Variants in CCDC141 observed in about 807,000 individuals in gnomAD.
CCDC141 encodes the protein coiled-coil domain-containing protein 141.
In CCDC141, 168 loss-of-function variants were observed where a neutral mutation model predicts 181.0. The observed-to-expected ratio is 0.93, with a 90% CI of 0.82 to 1.05. CCDC141 has a LOEUF of 1.05. CCDC141 is among the 50% of genes least tolerant of loss of function. The pLI, the probability that CCDC141 is intolerant of heterozygous loss-of-function variation, is 0.00. For missense variants in CCDC141, 1,902 were observed against 1,788.5 expected, an observed-to-expected ratio of 1.06 and a Z score of -1.14; for synonymous variants, 666 against 642.3, an observed-to-expected ratio of 1.04 and a Z score of -0.56.
At chr2:179,047,170 TG>T in intron 2 of CCDC141, 113 bp downstream of exon 2, 1 of 811,628 alleles carries the variant, frequency 1.2e-6, no homozygotes, top group Non-Finnish European at 1.8e-6. Context: ...ATTATCTACC[TG>T]GTACCATATT....
At chr2:178,858,802 C>T (rs953458613) in intron 17 of CCDC141, among the ~76,000 whole-genome samples, 2 of 151,838 alleles carry the variant, frequency 1.3e-5, no homozygotes, top group Non-Finnish European at 2.9e-5. Flanking sequence ...ATCAGAAAAC[C>T]TTAGTCTAGA....
chr2:178,962,824 ATTC>A (rs1690466192), intron 4 of CCDC141, among the ~76,000 whole-genome samples: 1 of 151,856 alleles, frequency 6.6e-6, no homozygotes, highest in Non-Finnish European at 1.5e-5. Flanking sequence ...TCCACTTTTC[ATTC>A]TTATCTTCTT....
intron 11 of CCDC141, 28 bp downstream of exon 11, chr2:178,884,873 T>G: frequency 1.3e-6 from 2 of 1,532,690 alleles, no homozygotes; most frequent in Non-Finnish European, 1.8e-6. Flanking sequence ...GCCACCTTGC[T>G]GAAGAAGGTT....
At position 178,978,571 on chromosome 2, in the gene CCDC141, A is replaced by G; in HGVS notation, c.330T>C (p.Gly110=). Residue 110 remains glycine, a synonymous_variant, in exon 3 of 24, where the codon GGT becomes GGC. Transcript: ENST00000443758. ...QVYDAMAETL[G]EAWAALVSML... The stretch of plus-strand genomic sequence containing the variant: ...TGGACACCAGAGCTGCCCATGCTTC[A>G]CCCAGAGTCTCGGCCATGGCATCAT... 6.5e-7 allele frequency: 1 copy of G among 1,550,074 alleles called. No individual in the cohort carries two copies. The highest frequency in any genetic ancestry group is 8.7e-7 in the Non-Finnish European group (1 of 1,146,762).
intron 2 of CCDC141, among the ~76,000 whole-genome samples, chr2:179,000,814 A>C (rs2041947795): frequency 6.6e-6 from 1 of 152,214 alleles, no homozygotes; most frequent in South Asian, 2.1e-4. Flanking sequence ...ATTATCCACA[A>C]GGCTTGATGC....
At chr2:179,032,503 A>T (rs1433599008) in intron 2 of CCDC141, among the ~76,000 whole-genome samples, 1 of 152,134 alleles carries the variant, frequency 6.6e-6, no homozygotes, top group Non-Finnish European at 1.5e-5. Context: ...CTTTTCTGGA[A>T]CTTTTTCTGT....
intron 6 of CCDC141, among the ~76,000 whole-genome samples, chr2:178,937,829 A>G (rs1270346797): frequency 6.6e-6 from 1 of 151,754 alleles, no homozygotes. Context: ...GAATTTATCC[A>G]TCTCTTTTAG....
intron 6 of CCDC141, among the ~76,000 whole-genome samples, chr2:178,943,891 A>G (rs552167330): frequency 3.3e-5 from 5 of 152,284 alleles, no homozygotes; most frequent in South Asian, 4.1e-4. Flanking sequence ...CTATATACCT[A>G]TAAGTGGCTG....
At chr2:178,816,652 C>T in the CCDC141 span, among the ~76,000 whole-genome samples, 1 of 151,982 alleles carries the variant, frequency 6.6e-6, no homozygotes, top group African/African-American at 2.4e-5. Context: ...TTTTGCGTTC[C>T]CACCAACAGT....
Position 178,871,447 on chromosome 2 carries a change from C to T in CCDC141, c.2185G>A (p.Asp729Asn). Residue 729 changes from aspartate to asparagine, a missense_variant, in exon 14 of 24, where the codon GAC becomes AAC. Coordinates refer to ENST00000443758, the MANE Select transcript of CCDC141 (RefSeq NM_173648.4). ...TTCACCTGGAACTGAGGCTTCATGT[C>T]ATTCCATTTTTGTCGTAGATCTAAA... ...FILDLRQKWN[D>N]MKPQFQQLND... is the part of the protein sequence containing the mutation. 6.2e-7 allele frequency: 1 copy of T among 1,613,746 alleles called. No individual in the cohort carries two copies. The highest frequency in any genetic ancestry group is 8.5e-7 in the Non-Finnish European group (1 of 1,179,822).
rs747870990 is a variant in CCDC141, at chr2:178,878,087, C to G, written c.1776G>C (p.Lys592Asn). ...KEFYETEIPQ[K>N]EQDDAKAKHC... is the part of the protein sequence containing the mutation. The stretch of plus-strand genomic sequence containing the variant: ...GCTTGGCTTTAGCATCATCCTGCTC[C>G]TTCTGAGGGATTTCGGTTTCATAAA... The change falls in exon 12 of 24, where the codon AAG (lysine) becomes AAC (asparagine). Residue 592 changes from lysine to asparagine, a missense_variant. Coordinates refer to ENST00000443758, the MANE Select transcript of CCDC141 (RefSeq NM_173648.4). The G allele has an allele frequency of 1.9e-6, 3 of 1,610,344 alleles. No homozygotes were observed. The highest frequency in any genetic ancestry group is 2.5e-6 in the Non-Finnish European group (3 of 1,179,138).
intron 21 of CCDC141, 41 bp from the exon 22 acceptor site, chr2:178,845,783 G>T: frequency 1.6e-6 from 2 of 1,236,706 alleles, no homozygotes; most frequent in African/African-American, 1.5e-5. Context: ...AGCCAGGAAA[G>T]TTGGAGAACA....
intron 16 of CCDC141, among the ~76,000 whole-genome samples, chr2:178,866,728 TTTTG>T (rs902951402): frequency 1.3e-5 from 2 of 152,170 alleles, no homozygotes; most frequent in African/African-American, 4.8e-5. Flanking sequence ...TTTTGTTTTG[TTTTG>T]TTTTTTTGAG....
rs182913812 is a variant in CCDC141, at chr2:178,964,260, G to A, written c.527-2777C>T. The stretch of plus-strand genomic sequence containing the variant: ...GTTATGATATTGTGAACAGCTACAC[G>A]CAAACACACACACACACATACAGCC... On this transcript the variant is annotated intron_variant, in intron 4 of 23. Transcript: ENST00000443758. 2.5e-3 allele frequency among the ~76,000 whole-genome samples: 380 copies of A among 152,074 alleles called. 1 individual carries two copies. Among genetic ancestry groups the A allele is most frequent in the African/African-American group, 8.2e-3 (341 of 41,444 alleles).
chr2:178,979,554 A>C (rs1691274462), intron 2 of CCDC141, among the ~76,000 whole-genome samples: 1 of 152,184 alleles, frequency 6.6e-6, no homozygotes. Context: ...AGAGTGAGGA[A>C]AAAAAGGCAA....
At position 178,830,648 on chromosome 2, in the gene CCDC141, G is replaced by A. The variant is rs1684213237; in HGVS notation, c.*3525C>T. 6.6e-6 allele frequency: 1 copy of A among 152,292 alleles called. No individual in the cohort carries two copies. The highest frequency in any genetic ancestry group is 2.4e-5 in the African/African-American group (1 of 41,460). The allele number at this position is 152,292 out of a possible 1,614,324, so 9.4% of individuals were successfully genotyped here. A position where few individuals can be genotyped will look rare whatever the true frequency, so the allele number is the denominator to read the frequency against. On this transcript the variant is annotated 3_prime_UTR_variant, in exon 24 of 24. Coordinates refer to ENST00000443758, the MANE Select transcript of CCDC141 (RefSeq NM_173648.4). ...TAAGGTTCTTACAGCCTAGCCAGAG[G>A]AGACTGATGCTCAAACCTGCGATTC...
chr2:178,961,131 T>G, intron 5 of CCDC141, 99 bp downstream of exon 5: 2 of 1,324,512 alleles, frequency 1.5e-6, no homozygotes, highest in Non-Finnish European at 2.0e-6. Flanking sequence ...ACCAAAAGAT[T>G]TGACCATGAA....
At chr2:178,958,631 G>T (rs1229434367) in intron 5 of CCDC141, among the ~76,000 whole-genome samples, 1 of 152,058 alleles carries the variant, frequency 6.6e-6, no homozygotes, top group African/African-American at 2.4e-5. Flanking sequence ...GGTTTAGCAA[G>T]GTATTTAGAT....
intron 9 of CCDC141, 90 bp downstream of exon 9, chr2:178,888,437 C>A: frequency 8.4e-7 from 1 of 1,193,252 alleles, no homozygotes; most frequent in Non-Finnish European, 1.2e-6. Flanking sequence ...AGGAGACATG[C>A]CCCTGTCCTC....
Sources: allele counts gnomAD v4.1 joint callset (sites outside exome capture counted in the v4.1 genomes callset), GRCh38; gene constraint gnomAD v4.1.1; transcripts MANE v1.5; gene names NCBI Gene and HGNC (gene_info 2026-07-23, HGNC 2026-07-21).